The following STAU1 variants were observed in gnomAD, a reference collection of about 807,000 sequenced individuals.
STAU1 encodes staufen double-stranded RNA binding protein 1, also known as double-stranded RNA-binding protein Staufen homolog 1.
STAU1 carries 13 observed loss-of-function variants against 62.9 expected under a neutral mutation model. The observed-to-expected ratio is 0.21, with a 90% CI of 0.13 to 0.33. The LOEUF (loss-of-function observed/expected upper bound fraction) is 0.33, where lower values mean the gene tolerates loss of function less well. STAU1 is among the 10% of genes least tolerant of loss of function. The pLI is 1.00. For missense variants in STAU1, 571 were observed against 712.1 expected (o/e 0.80, Z 2.25); for synonymous variants, 269 against 265.1 (o/e 1.01, Z -0.14).
chr20:49,203,988 G>T, the STAU1 span, among the ~76,000 whole-genome samples: 3,466 of 152,120 alleles, frequency 0.023, 134 homozygotes, highest in African/African-American at 0.078. Context: ...TGGCCAGGGG[G>T]TAGTAGTTTT....
the STAU1 span, among the ~76,000 whole-genome samples, chr20:49,201,328 G>GA: frequency 6.6e-6 from 1 of 151,798 alleles, no homozygotes; most frequent in African/African-American, 2.4e-5. Flanking sequence ...GAGGAAGGGA[G>GA]AAAAAAAAGT....
At chr20:49,141,230 T>G (rs574042991) in intron 5 of STAU1, among the ~76,000 whole-genome samples, 7 of 152,302 alleles carry the variant, frequency 4.6e-5, no homozygotes, top group African/African-American at 1.7e-4. Context: ...AACAGGCAAT[T>G]TCCTGGATTT....
At chr20:49,152,064 C>T (rs1396496981) in intron 4 of STAU1, among the ~76,000 whole-genome samples, 2 of 152,184 alleles carry the variant, frequency 1.3e-5, no homozygotes, top group Non-Finnish European at 2.9e-5. Context: ...GAGACAAAAA[C>T]TTGGCTTGCT....
intron 3 of STAU1, 119 bp from the exon 4 acceptor site, chr20:49,154,190 C>T (rs2093318075): frequency 9.4e-7 from 1 of 1,059,734 alleles, no homozygotes; most frequent in Non-Finnish European, 1.3e-6. Flanking sequence ...CATAAAAGGA[C>T]CTGGGTGGCT....
the STAU1 span, among the ~76,000 whole-genome samples, chr20:49,203,347 C>T: frequency 6.6e-6 from 1 of 151,996 alleles, no homozygotes; most frequent in Non-Finnish European, 1.5e-5. Flanking sequence ...ATCGCTTGAC[C>T]CGGGGAGGCA....
intron 5 of STAU1, among the ~76,000 whole-genome samples, chr20:49,138,323 G>A (rs901749612): frequency 1.2e-4 from 18 of 151,814 alleles, no homozygotes; most frequent in African/African-American, 4.1e-4. Context: ...ACAAACTCTA[G>A]GTTAAAAAAA....
intron 5 of STAU1, among the ~76,000 whole-genome samples, chr20:49,138,277 G>T (rs931401950): frequency 6.6e-6 from 1 of 151,876 alleles, no homozygotes; most frequent in African/African-American, 2.4e-5. Flanking sequence ...GTGAGACCGT[G>T]TCACACCCAC....
chr20:49,132,076 G>T (rs975772899), intron 6 of STAU1, among the ~76,000 whole-genome samples: 1 of 151,638 alleles, frequency 6.6e-6, no homozygotes, highest in African/African-American at 2.4e-5. Context: ...AGAATGGGGG[G>T]TAGGAATTCA....
intron 5 of STAU1, among the ~76,000 whole-genome samples, chr20:49,145,625 G>C (rs2093112825): frequency 6.6e-6 from 1 of 151,640 alleles, no homozygotes; most frequent in Non-Finnish European, 1.5e-5. Flanking sequence ...AGCTACTCGG[G>C]AGGCTATGGC....
chr20:49,172,911 T>C lies in STAU1; in HGVS notation c.-85+1284A>G, dbSNP rs562114036. On this transcript the variant is annotated intron_variant, in intron 2 of 13. Transcript: ENST00000371856. ...TTTTTTTTTTGAGATGGAGTCTCGCTGTGTTGCCCAGGCTAGAGTGCAGTG... is the reference window on the plus strand; with the variant it reads ...TTTTTTTTTTGAGATGGAGTCTCGCCGTGTTGCCCAGGCTAGAGTGCAGTG... Among the ~76,000 whole-genome samples, 21 of 151,806 alleles carry C rather than the reference T, an allele frequency of 1.4e-4. No individual in the cohort carries two copies. In the East Asian group the frequency reaches 3.3e-3, roughly 24 times the overall value.
At chr20:49,175,557 G>A (rs1011279924) in intron 1 of STAU1, among the ~76,000 whole-genome samples, 7 of 151,918 alleles carry the variant, frequency 4.6e-5, no homozygotes, top group African/African-American at 1.7e-4. Flanking sequence ...TCGGCTCCCT[G>A]CAACCTCCGC....
intron 3 of STAU1, chr20:49,158,553 T>C (rs2093399835): frequency 3.1e-6 from 4 of 1,274,620 alleles, no homozygotes; most frequent in Non-Finnish European, 4.2e-6. Context: ...CTCATGCCTG[T>C]AATCCTAGCA....
chr20:49,193,689 C>T, the STAU1 span, among the ~76,000 whole-genome samples: 5 of 147,894 alleles, frequency 3.4e-5, no homozygotes, highest in Non-Finnish European at 7.5e-5. Flanking sequence ...AAAAACGGGC[C>T]GGGCGCGGTG....
At chr20:49,219,244 C>T in the STAU1 span, 1 of 1,147,962 alleles carries the variant, frequency 8.7e-7, no homozygotes, top group Non-Finnish European at 1.2e-6. Context: ...ACCTAAAAAG[C>T]TCCGCCCCTT....
At position 49,124,407 on chromosome 20, in the gene STAU1, T is replaced by C. The variant is rs201180807; in HGVS notation, c.790A>G (p.Arg264Gly). Residue 264 changes from arginine to glycine, a missense_variant, in exon 7 of 14, where the codon AGA (arginine) becomes GGA (glycine). Physicochemically the swap from Arg to Gly is moderately radical, Grantham distance 125 (BLOSUM62 -2). Coordinates refer to ENST00000371856, the MANE Select transcript of STAU1 (RefSeq NM_017453.4). ...PLPAVERVKP[R>G]IKKKTKPIVK... ...ATGGGTTTTGTTTTCTTTTTGATTC[T>C]AGGCTTTACTCGTTCAACTGCAGGC... 1.7e-4 allele frequency: 271 copies of C among 1,614,124 alleles called. No homozygotes were observed. The highest frequency in any genetic ancestry group is 2.2e-4 in the Non-Finnish European group (264 of 1,180,044).
intron 4 of STAU1, among the ~76,000 whole-genome samples, chr20:49,153,128 T>C (rs200594406): frequency 6.6e-6 from 1 of 151,180 alleles, no homozygotes; most frequent in Non-Finnish European, 1.5e-5. Flanking sequence ...CAGGCGCCTG[T>C]AGTCCCAGCT....
the STAU1 span, among the ~76,000 whole-genome samples, chr20:49,206,123 C>T: frequency 6.6e-6 from 1 of 150,398 alleles, no homozygotes; most frequent in Non-Finnish European, 1.5e-5. Flanking sequence ...GCTGGGACTA[C>T]AGGCGCTCGC....
At chr20:49,132,010 A>G (rs961512992) in intron 6 of STAU1, among the ~76,000 whole-genome samples, 5 of 152,016 alleles carry the variant, frequency 3.3e-5, no homozygotes, top group Non-Finnish European at 1.5e-5. Context: ...AAGAAAAGTG[A>G]GCCTCCAAAA....
chr20:49,123,748 G>GTTTT (rs2092524605), intron 7 of STAU1, among the ~76,000 whole-genome samples: 2 of 152,194 alleles, frequency 1.3e-5, no homozygotes, highest in South Asian at 4.2e-4. Context: ...GTGACTTCCA[G>GTTTT]GCTATATTAA....
Sources: allele counts gnomAD v4.1 joint callset (sites outside exome capture counted in the v4.1 genomes callset), GRCh38; gene constraint gnomAD v4.1.1; transcripts MANE v1.5; gene names NCBI Gene and HGNC (gene_info 2026-07-23, HGNC 2026-07-21).